UNC13C: variants seen among roughly 807,000 people sequenced by gnomAD.
The protein encoded by UNC13C is protein unc-13 homolog C.
UNC13C carries 174 observed loss-of-function variants against 245.4 expected under a neutral mutation model. The observed-to-expected ratio is 0.71, with a 90% CI of 0.63 to 0.80. UNC13C has a LOEUF of 0.80. Ranked by LOEUF, UNC13C falls within the 30% of genes least tolerant of loss-of-function variation. The pLI is 0.00. For synonymous variants in UNC13C, 992 were observed against 895.1 expected (o/e 1.11, Z -1.93); for missense variants, 2,829 against 2,602.9 (o/e 1.09, Z -1.89).
At chr15:54,616,774 G>T (rs1352545174) in intron 30 of UNC13C, among the ~76,000 whole-genome samples, 1 of 151,996 alleles carries the variant, frequency 6.6e-6, no homozygotes, top group East Asian at 1.9e-4. Flanking sequence ...AGTGTTTAGA[G>T]AGTCTGCAGG....
downstream of UNC13C, chr15:54,633,386 T>C (rs948712134): frequency 3.3e-5 from 5 of 152,218 alleles, no homozygotes; most frequent in African/African-American, 1.2e-4. Flanking sequence ...AGAGTATAAA[T>C]GTTACTTTGA....
intron 2 of UNC13C, among the ~76,000 whole-genome samples, chr15:54,132,074 C>CTTTTTCTTTT (rs1555420958): frequency 1.8e-5 from 2 of 110,646 alleles, no homozygotes; most frequent in Admixed American, 1.8e-4. Context: ...TTTTCTTTTT[C>CTTTTTCTTTT]TTTTTTTTTT....
intron 1 of UNC13C, among the ~76,000 whole-genome samples, chr15:54,002,584 C>A (rs961808609): frequency 3.9e-5 from 6 of 152,110 alleles, no homozygotes; most frequent in African/African-American, 1.4e-4. Flanking sequence ...GGACAGAAGA[C>A]GTGAGAAACA....
intron 30 of UNC13C, among the ~76,000 whole-genome samples, chr15:54,600,517 T>C (rs963219230): frequency 1.1e-4 from 17 of 152,078 alleles, no homozygotes; most frequent in African/African-American, 3.9e-4. Context: ...ATAGGGGGCC[T>C]TTTAGATTCC....
Position 54,179,654 on chromosome 15 carries a change from T to C in UNC13C, c.3071+35970T>C, listed in dbSNP as rs79339523. Among the ~76,000 whole-genome samples the C allele has an allele frequency of 9.1e-3, 1,389 of 152,102 alleles. 26 individuals are homozygous for C. The highest frequency in any genetic ancestry group is 0.032 in the African/African-American group (1,321 of 41,530). ...TGAGCTACAGCGAGAAATTCAAATA[T>C]ATGTGCAATTGGAGTGCCAAAATGG... On this transcript the variant is annotated intron_variant, in intron 4 of 32. Coordinates refer to ENST00000260323, the MANE Select transcript of UNC13C (RefSeq NM_001080534.3).
chr15:54,033,215 C>A (rs146177690), intron 2 of UNC13C, among the ~76,000 whole-genome samples: 3 of 151,880 alleles, frequency 2.0e-5, no homozygotes, highest in African/African-American at 7.3e-5. Flanking sequence ...GAACCCACCC[C>A]TTAGTTTATA....
chr15:54,606,470 AC>A (rs1180094550), intron 30 of UNC13C, among the ~76,000 whole-genome samples: 1 of 152,208 alleles, frequency 6.6e-6, no homozygotes, highest in African/African-American at 2.4e-5. Context: ...AGTCAAACTT[AC>A]TTTGTCATTT....
At chr15:54,046,269 G>A (rs899734673) in intron 2 of UNC13C, among the ~76,000 whole-genome samples, 1 of 151,988 alleles carries the variant, frequency 6.6e-6, no homozygotes, top group Non-Finnish European at 1.5e-5. Context: ...AAATACCTAG[G>A]GATTTCTGGG....
At chr15:54,034,715 G>A (rs1290007963) in intron 2 of UNC13C, among the ~76,000 whole-genome samples, 2 of 152,138 alleles carry the variant, frequency 1.3e-5, no homozygotes, top group African/African-American at 4.8e-5. Context: ...TATACACAAT[G>A]TACTTTGTGA....
At chr15:54,308,362 C>G (rs1259302589) in intron 13 of UNC13C, among the ~76,000 whole-genome samples, 2 of 151,608 alleles carry the variant, frequency 1.3e-5, no homozygotes, top group Non-Finnish European at 2.9e-5. Context: ...TCATTATTTG[C>G]TTTTTAAATT....
chr15:53,944,197 T>C, the UNC13C span, among the ~76,000 whole-genome samples: 1 of 152,128 alleles, frequency 6.6e-6, no homozygotes, highest in Admixed American at 6.5e-5. Context: ...GTCTTAAAAC[T>C]TCAAAAAGAA....
chr15:54,327,028 A>G (rs972470523), intron 14 of UNC13C, among the ~76,000 whole-genome samples: 2 of 152,022 alleles, frequency 1.3e-5, no homozygotes, highest in Admixed American at 6.6e-5. Context: ...AGTCCAGACA[A>G]AGAACTTTAC....
intron 28 of UNC13C, among the ~76,000 whole-genome samples, chr15:54,552,665 TGTAC>T (rs1477112432): frequency 2.4e-5 from 2 of 82,866 alleles, no homozygotes; most frequent in African/African-American, 5.6e-5. Flanking sequence ...TATATTATAT[TGTAC>T]TATATAATAT....
chr15:54,332,817 T>C (rs1596236564), intron 15 of UNC13C, among the ~76,000 whole-genome samples: 1 of 152,206 alleles, frequency 6.6e-6, no homozygotes, highest in East Asian at 1.9e-4. Context: ...TCTTTTCTTA[T>C]TTTAACATAT....
At chr15:54,053,792 A>G (rs1306183913) in intron 2 of UNC13C, among the ~76,000 whole-genome samples, 2 of 151,934 alleles carry the variant, frequency 1.3e-5, no homozygotes, top group African/African-American at 2.4e-5. Context: ...CCTACCCCCA[A>G]CTACCCTTCC....
chr15:54,278,727 C>T lies in UNC13C; in HGVS notation c.3818+13231C>T, dbSNP rs554091376. Among the ~76,000 whole-genome samples the T allele has an allele frequency of 3.9e-5, 6 of 152,232 alleles. No individual in the cohort carries two copies. The East Asian group carries it at 1.2e-3, about 29-fold the overall frequency. Reference sequence around the variant, plus strand: ...TCAGTTAGGACACATCCTTCTTCATCATGCAGAACTGGTCATTACACAATC... The same window carrying T: ...TCAGTTAGGACACATCCTTCTTCATTATGCAGAACTGGTCATTACACAATC... On this transcript the variant is annotated intron_variant, in intron 10 of 32. Transcript: ENST00000260323.
intron 1 of UNC13C, among the ~76,000 whole-genome samples, chr15:53,998,157 A>G (rs897213197): frequency 4.6e-5 from 7 of 152,092 alleles, no homozygotes; most frequent in Non-Finnish European, 8.8e-5. Flanking sequence ...TTCCATTTCC[A>G]TATACATTTT....
intron 17 of UNC13C, among the ~76,000 whole-genome samples, chr15:54,388,657 C>G (rs2039888297): frequency 6.6e-6 from 1 of 152,146 alleles, no homozygotes; most frequent in South Asian, 2.1e-4. Context: ...GGATCTCATT[C>G]TCTTCCGTTT....
At chr15:54,219,780 G>A (rs1427258780) in intron 4 of UNC13C, among the ~76,000 whole-genome samples, 1 of 151,368 alleles carries the variant, frequency 6.6e-6, no homozygotes, top group East Asian at 1.9e-4. Flanking sequence ...CAAAAAGTGG[G>A]CAAAGGATAT....
Sources: gnomAD v4.1 joint callset for allele counts (sites outside exome capture counted in the v4.1 genomes callset) on GRCh38, gnomAD v4.1.1 for gene constraint, MANE v1.5 for transcripts, NCBI Gene and HGNC (gene_info 2026-07-23, HGNC 2026-07-21) for gene names.